The following TRIM75 variants were observed in gnomAD, a reference collection of about 807,000 sequenced individuals.
The protein encoded by TRIM75 is tripartite motif-containing protein 75.
chr4:165,056,637 C>CA, the TRIM75 span, among the ~76,000 whole-genome samples: 2 of 96,192 alleles, frequency 2.1e-5, no homozygotes, highest in Non-Finnish European at 3.8e-5. Flanking sequence ...TTTTTTGAGA[C>CA]AGAGTCTCGC....
At chr4:165,060,047 T>C in the TRIM75 span, 1 of 778,156 alleles carries the variant, frequency 1.3e-6, no homozygotes, top group Admixed American at 1.7e-5. Flanking sequence ...TTCTAGACCC[T>C]GAAACAGCAC....
chr4:165,059,805 A>G, the TRIM75 span: 4 of 780,952 alleles, frequency 5.1e-6, no homozygotes, highest in South Asian at 1.3e-5. Flanking sequence ...CAGTGCAAAC[A>G]TAACAGCATT....
At chr4:165,055,113 A>G in the TRIM75 span, among the ~76,000 whole-genome samples, 2 of 151,972 alleles carry the variant, frequency 1.3e-5, no homozygotes, top group African/African-American at 4.8e-5. Flanking sequence ...TAATAAGGGA[A>G]CACCAGGAAT....
the TRIM75 span, chr4:165,059,269 A>C: frequency 1.3e-6 from 1 of 780,506 alleles, no homozygotes; most frequent in Non-Finnish European, 2.4e-6. Flanking sequence ...TCCTGCATCC[A>C]ACAGTCCTGG....
chr4:165,059,512 C>A, the TRIM75 span: 3 of 780,760 alleles, frequency 3.8e-6, no homozygotes, highest in Non-Finnish European at 7.2e-6. Flanking sequence ...TGCACTCAGC[C>A]CCCTGACCAC....
the TRIM75 span, chr4:165,059,605 A>G: frequency 6.4e-6 from 5 of 780,942 alleles, no homozygotes; most frequent in Non-Finnish European, 1.2e-5. Flanking sequence ...CCCCTGAAAA[A>G]GCAATTGGCA....
chr4:165,060,132 C>T, the TRIM75 span: 3 of 780,768 alleles, frequency 3.8e-6, no homozygotes, highest in African/African-American at 5.1e-5. Context: ...TCCTGGTTTC[C>T]CAAAAAGATT....
the TRIM75 span, among the ~76,000 whole-genome samples, chr4:165,058,316 G>A: frequency 9.3e-4 from 142 of 151,998 alleles, 1 homozygote; most frequent in Admixed American, 3.0e-3. Context: ...CTACAGGTGC[G>A]CACCATCATG....
chr4:165,055,476 G>A, the TRIM75 span, among the ~76,000 whole-genome samples: 4 of 152,070 alleles, frequency 2.6e-5, no homozygotes, highest in South Asian at 8.3e-4. Context: ...TAGAGACAGG[G>A]TTTCTCCACG....
At chr4:165,057,697 ATT>A in the TRIM75 span, among the ~76,000 whole-genome samples, 1 of 151,732 alleles carries the variant, frequency 6.6e-6, no homozygotes, top group African/African-American at 2.4e-5. Flanking sequence ...TGCCAGGCTA[ATT>A]TTTTTTGTAT....
At chr4:165,059,792 A>G in the TRIM75 span, 1 of 780,892 alleles carries the variant, frequency 1.3e-6, no homozygotes, top group Admixed American at 1.7e-5. Flanking sequence ...ATCAACAGAA[A>G]CTCAGTGCAA....
chr4:165,056,511 TAG>T, the TRIM75 span, among the ~76,000 whole-genome samples: 1 of 151,554 alleles, frequency 6.6e-6, no homozygotes, highest in South Asian at 2.1e-4. Context: ...GGATTGATAA[TAG>T]AGTGTTTCCG....
the TRIM75 span, among the ~76,000 whole-genome samples, chr4:165,054,714 A>G: frequency 1.3e-5 from 2 of 152,170 alleles, no homozygotes; most frequent in Admixed American, 1.3e-4. Flanking sequence ...AGGTTATTTT[A>G]AAACGCACGC....
chr4:165,054,131 G>A, the TRIM75 span, among the ~76,000 whole-genome samples: 1 of 151,762 alleles, frequency 6.6e-6, no homozygotes, highest in African/African-American at 2.4e-5. Flanking sequence ...CACGCTCTGT[G>A]ACCCAGGCTG....
the TRIM75 span, chr4:165,059,996 T>C: frequency 1.3e-6 from 1 of 776,180 alleles, no homozygotes. Flanking sequence ...CCCAATATTC[T>C]GCTCTGCAGA....
At chr4:165,056,599 TCTC>T in the TRIM75 span, among the ~76,000 whole-genome samples, 2 of 138,588 alleles carry the variant, frequency 1.4e-5, no homozygotes, top group South Asian at 2.2e-4. Context: ...TCTGTCTCTG[TCTC>T]TTTTTTTTTT....
At chr4:165,058,200 C>T in the TRIM75 span, among the ~76,000 whole-genome samples, 1 of 151,482 alleles carries the variant, frequency 6.6e-6, no homozygotes, top group Non-Finnish European at 1.5e-5. Context: ...CAAGGTCTCA[C>T]TCTGTCACCC....
chr4:165,055,083 C>T, the TRIM75 span, among the ~76,000 whole-genome samples: 1 of 151,890 alleles, frequency 6.6e-6, no homozygotes, highest in Non-Finnish European at 1.5e-5. Context: ...GGTTAAGTAG[C>T]TCCCCCAAGG....
the TRIM75 span, among the ~76,000 whole-genome samples, chr4:165,058,930 A>G: frequency 6.6e-6 from 1 of 151,300 alleles, no homozygotes; most frequent in Non-Finnish European, 1.5e-5. Flanking sequence ...TGTGTGTGGG[A>G]CTCCTTTTGG....
Sources: allele counts gnomAD v4.1 joint callset (sites outside exome capture counted in the v4.1 genomes callset), GRCh38; gene constraint gnomAD v4.1.1; transcripts MANE v1.5; gene names NCBI Gene and HGNC (gene_info 2026-07-23, HGNC 2026-07-21).